CPNE5: variants seen among roughly 807,000 people sequenced by gnomAD.
CPNE5 encodes the protein copine-5.
Under a neutral mutation model 81.1 loss-of-function variants are expected in CPNE5, and 42 were observed. The observed-to-expected ratio is 0.52, with a 90% CI of 0.40 to 0.67. The LOEUF (loss-of-function observed/expected upper bound fraction) is 0.67. Among genes scored for constraint, CPNE5 ranks in the 30% least tolerant of loss-of-function variants. The probability of loss-of-function intolerance (pLI) is 0.00; values close to 1 mark genes in which losing one functional copy is unlikely to be tolerated. For synonymous variants in CPNE5, 313 were observed against 321.5 expected (o/e 0.97, Z 0.28); for missense variants, 612 against 815.5 (o/e 0.75, Z 3.04).
At chr6:36,756,608 T>G (rs1378527296) in intron 12 of CPNE5, among the ~76,000 whole-genome samples, 1 of 152,156 alleles carries the variant, frequency 6.6e-6, no homozygotes, top group East Asian at 1.9e-4. Context: ...AAAGAAGTCT[T>G]GATGTTGCAA....
chr6:36,818,893 C>T (rs927073729), intron 3 of CPNE5, among the ~76,000 whole-genome samples: 1 of 152,220 alleles, frequency 6.6e-6, no homozygotes, highest in East Asian at 1.9e-4. Flanking sequence ...CCCTTCCACA[C>T]TTTCCTTCAT....
rs1230681908 is a variant in CPNE5, at chr6:36,823,039, T to C, written c.136+19A>G. The C allele has an allele frequency of 2.6e-6, 4 of 1,557,390 alleles. No homozygotes were observed. Among genetic ancestry groups the C allele is most frequent in the South Asian group, 2.5e-5 (2 of 80,544 alleles). ...GTTGCCGCTATTGTTACCGTTCTTA[T>C]TGTCAGAGCAGGACTTACGTGGGTC... On this transcript the variant is annotated intron_variant, in intron 2 of 20. Transcript: ENST00000244751.
chr6:36,806,628 G>A lies in CPNE5; in HGVS notation c.184-6558C>T, dbSNP rs369889885. Among the ~76,000 whole-genome samples, 16 of 152,306 alleles carry A rather than the reference G, an allele frequency of 1.1e-4. No individual in the cohort carries two copies. The East Asian group carries it at 2.9e-3, about 28-fold the overall frequency. ...AAATCTCTCCAGTTAAACCCTCTGA[G>A]TTTCTCTTTCCTGCTGGGACCCTCA... On this transcript the variant is annotated intron_variant, in intron 3 of 20. Coordinates refer to ENST00000244751, the MANE Select transcript of CPNE5 (RefSeq NM_020939.2).
At chr6:36,780,035 G>A (rs887868218) in intron 8 of CPNE5, among the ~76,000 whole-genome samples, 2 of 151,392 alleles carry the variant, frequency 1.3e-5, no homozygotes, top group Admixed American at 1.3e-4. Context: ...CGCCATCTCG[G>A]CTCACTGCAA....
intron 3 of CPNE5, among the ~76,000 whole-genome samples, chr6:36,811,177 C>T (rs1178547125): frequency 1.3e-5 from 2 of 152,132 alleles, no homozygotes; most frequent in Admixed American, 6.5e-5. Flanking sequence ...CTTCTAGCCC[C>T]GGGTCTGACT....
chr6:36,754,066 T>C (rs1489794845), intron 13 of CPNE5, among the ~76,000 whole-genome samples: 1 of 150,394 alleles, frequency 6.6e-6, no homozygotes, highest in Non-Finnish European at 1.5e-5. Flanking sequence ...TCCTTCCAAG[T>C]GTGGCAGCTC....
intron 1 of CPNE5, among the ~76,000 whole-genome samples, chr6:36,831,901 G>A (rs990249799): frequency 4.6e-5 from 7 of 152,068 alleles, no homozygotes; most frequent in African/African-American, 1.7e-4. Context: ...AAATAATCTG[G>A]CCAGGATCCC....
chr6:36,797,757 A>T (rs575530480), intron 6 of CPNE5, among the ~76,000 whole-genome samples: 71 of 152,294 alleles, frequency 4.7e-4, no homozygotes, highest in Non-Finnish European at 1.0e-3. Context: ...AGCTGTGAAC[A>T]ATCTTAGGAA....
intron 8 of CPNE5, among the ~76,000 whole-genome samples, chr6:36,779,548 A>C (rs1767836121): frequency 6.6e-6 from 1 of 152,050 alleles, no homozygotes. Flanking sequence ...ACACCCACCA[A>C]CTCATGAGAG....
chr6:36,820,335 CTTTTTTTTTTTTTT>C (rs1163633243), intron 3 of CPNE5, among the ~76,000 whole-genome samples: 17 of 92,390 alleles, frequency 1.8e-4, no homozygotes, highest in South Asian at 4.1e-4. Flanking sequence ...CTAATCCATT[CTTTTTTTTTTTTTT>C]TTTTTTTTTT....
At chr6:36,752,307 C>T (rs1764929579) in intron 14 of CPNE5, among the ~76,000 whole-genome samples, 1 of 152,164 alleles carries the variant, frequency 6.6e-6, no homozygotes, top group African/African-American at 2.4e-5. Context: ...AGGCTCTACC[C>T]TTAGAGCCAG....
chr6:36,835,316 G>A (rs1000976680), intron 1 of CPNE5, among the ~76,000 whole-genome samples: 2 of 152,218 alleles, frequency 1.3e-5, no homozygotes, highest in African/African-American at 4.8e-5. Flanking sequence ...ACGTCAGACA[G>A]GTAAGTTTTG....
rs140957359 is a variant in CPNE5, at chr6:36,782,029, G to A, written c.529-3072C>T. ...GCCTCAGTTTCCTCGTCTGTGGAGCGTGGAATGGGATGACCACCACAATCC... is the reference window on the plus strand; with the variant it reads ...GCCTCAGTTTCCTCGTCTGTGGAGCATGGAATGGGATGACCACCACAATCC... On this transcript the variant is annotated intron_variant, in intron 8 of 20. Transcript: ENST00000244751. Among the ~76,000 whole-genome samples, 164 of 152,312 alleles carry A rather than the reference G, an allele frequency of 1.1e-3. 1 individual carries two copies. The highest frequency in any genetic ancestry group is 3.6e-3 in the African/African-American group (149 of 41,574).
At chr6:36,779,166 G>A (rs1052100311) in intron 8 of CPNE5, among the ~76,000 whole-genome samples, 10 of 152,240 alleles carry the variant, frequency 6.6e-5, no homozygotes, top group African/African-American at 2.4e-4. Flanking sequence ...AGCTGCCCCA[G>A]TGTGAATCCT....
intron 3 of CPNE5, among the ~76,000 whole-genome samples, chr6:36,807,679 GC>G (rs1770720086): frequency 6.6e-6 from 1 of 152,132 alleles, no homozygotes; most frequent in Non-Finnish European, 1.5e-5. Context: ...TCTCCCGAAA[GC>G]CCTAGCTCTC....
rs924801617 is a variant in CPNE5, at chr6:36,742,136, A to G, written c.*132T>C. 7.6e-6 allele frequency: 5 copies of G among 657,486 alleles called. No individual in the cohort carries two copies. Among genetic ancestry groups the G allele is most frequent in the Non-Finnish European group, 1.3e-5 (5 of 398,482 alleles). The allele number at this position is 657,486 out of a possible 1,614,324, so 40.7% of individuals were successfully genotyped here. The stretch of plus-strand genomic sequence containing the variant: ...TTGAGGAGGGGTCTTCAGAAGCCCC[A>G]CCCCCTGGCAGCCTCCCAGGCACAC... On this transcript the variant is annotated 3_prime_UTR_variant, in exon 21 of 21. Coordinates refer to ENST00000244751, the MANE Select transcript of CPNE5 (RefSeq NM_020939.2).
Position 36,839,227 on chromosome 6 carries a change from C to T in CPNE5, c.95+56G>A. 7.5e-7 allele frequency: 1 copy of T among 1,330,232 alleles called. No homozygotes were observed. 82.4% of individuals were successfully genotyped at this position (1,330,232 alleles called of 1,614,324 possible). A position where few individuals can be genotyped will look rare whatever the true frequency, so the allele number is the denominator to read the frequency against. ...GGTTTAGGATCGAAGCGGCAGGGGC[C>T]GCGGGGCTCTGCGTCCAGGGCCGGG... On this transcript the variant is annotated intron_variant, in intron 1 of 20. Coordinates refer to ENST00000244751, the MANE Select transcript of CPNE5 (RefSeq NM_020939.2). The surrounding 1 kb of genome is among the most constrained non-coding windows in gnomAD (Gnocchi z 7.3).
intron 8 of CPNE5, among the ~76,000 whole-genome samples, chr6:36,782,017 C>T (rs1252494209): frequency 6.6e-6 from 1 of 152,148 alleles, no homozygotes; most frequent in African/African-American, 2.4e-5. Flanking sequence ...TCAGTTTCCT[C>T]GTCTGTGGAG....
intron 1 of CPNE5, among the ~76,000 whole-genome samples, chr6:36,826,578 C>T (rs1224559963): frequency 1.3e-5 from 2 of 152,192 alleles, no homozygotes; most frequent in Non-Finnish European, 2.9e-5. Context: ...GTTGCAAAAT[C>T]ATGGGTGTAT....
Sources: gnomAD v4.1 joint callset for allele counts (sites outside exome capture counted in the v4.1 genomes callset) on GRCh38, gnomAD v4.1.1 for gene constraint, Gnocchi (gnomAD v3.1) non-coding constraint, MANE v1.5 for transcripts, NCBI Gene and HGNC (gene_info 2026-07-23, HGNC 2026-07-21) for gene names.